The following WWOX variants were observed in gnomAD, a reference collection of about 807,000 sequenced individuals.
WWOX encodes the protein WW domain-containing oxidoreductase.
WWOX carries 69 observed loss-of-function variants against 46.2 expected under a neutral mutation model. The observed-to-expected ratio is 1.49, with a 90% CI of 1.23 to 1.82. The LOEUF (loss-of-function observed/expected upper bound fraction) is 1.82, where lower values mean the gene tolerates loss of function less well. Among genes scored for constraint, WWOX ranks in the 40% most tolerant of loss-of-function variants. WWOX has a pLI of 0.00. For synonymous variants in WWOX, 359 were observed against 202.6 expected, an observed-to-expected ratio of 1.77 and a Z score of -6.56; for missense variants, 919 against 542.6, an observed-to-expected ratio of 1.69 and a Z score of -6.89.
chr16:78,929,711 C>G (rs1356294462), intron 8 of WWOX, among the ~76,000 whole-genome samples: 1 of 152,010 alleles, frequency 6.6e-6, no homozygotes, highest in African/African-American at 2.4e-5. Flanking sequence ...TCAGGAAGAG[C>G]GTTTAGGAAG....
intron 6 of WWOX, among the ~76,000 whole-genome samples, chr16:78,411,177 G>C (rs61385990): frequency 0.011 from 1,745 of 152,256 alleles, 32 homozygotes; most frequent in African/African-American, 0.039. Context: ...GAGGTGAGGG[G>C]ATTACACAAA....
rs147983822 is a variant in WWOX at position 78,602,110 on chromosome 16, C to T, written c.1056+169358C>T. ...AAATGATTCTGTTGGGCTTATTACA[C>T]GCTTTTGAACTAATCACACTAGTAG... On this transcript the variant is annotated intron_variant, in intron 8 of 8. Transcript: ENST00000566780. 3.5e-3 allele frequency among the ~76,000 whole-genome samples: 536 copies of T among 152,304 alleles called. 7 individuals are homozygous for T. The highest frequency in any genetic ancestry group is 0.011 in the Admixed American group (174 of 15,292).
intron 8 of WWOX, among the ~76,000 whole-genome samples, chr16:78,853,946 C>G (rs1216454330): frequency 1.3e-5 from 2 of 152,076 alleles, no homozygotes; most frequent in East Asian, 3.9e-4. Context: ...AAACATATGC[C>G]TTTTTATTTC....
intron 8 of WWOX, among the ~76,000 whole-genome samples, chr16:78,564,337 A>G (rs1358757985): frequency 6.6e-6 from 1 of 152,244 alleles, no homozygotes; most frequent in South Asian, 2.1e-4. Flanking sequence ...TAGGCCTGGT[A>G]TGCAGAAGTA....
At chr16:78,610,339 C>G (rs1335708863) in intron 8 of WWOX, among the ~76,000 whole-genome samples, 1 of 152,088 alleles carries the variant, frequency 6.6e-6, no homozygotes, top group Admixed American at 6.6e-5. Flanking sequence ...AAAAAAGATT[C>G]AATTTCATTA....
intron 8 of WWOX, among the ~76,000 whole-genome samples, chr16:78,927,843 C>T (rs139701192): frequency 1.1e-4 from 17 of 152,252 alleles, no homozygotes; most frequent in Middle Eastern, 3.4e-3. Flanking sequence ...ATTTCTCTTA[C>T]TGTTTATTTT....
At chr16:78,729,544 G>A (rs1017919376) in intron 8 of WWOX, among the ~76,000 whole-genome samples, 2 of 151,964 alleles carry the variant, frequency 1.3e-5, no homozygotes, top group African/African-American at 2.4e-5. Context: ...GTGAAGTTGT[G>A]CATCCACAAG....
At chr16:78,805,354 G>A (rs780863320) in intron 8 of WWOX, among the ~76,000 whole-genome samples, 7 of 152,056 alleles carry the variant, frequency 4.6e-5, no homozygotes, top group African/African-American at 1.2e-4. Flanking sequence ...TCCGCCTCCC[G>A]GGTTCATGCC....
intron 5 of WWOX, among the ~76,000 whole-genome samples, chr16:78,325,007 C>G (rs550702035): frequency 1.3e-5 from 2 of 152,190 alleles, no homozygotes; most frequent in African/African-American, 4.8e-5. Context: ...AGGGCCCGAG[C>G]TGCTCATGGG....
At chr16:78,910,817 G>C (rs529655491) in intron 8 of WWOX, among the ~76,000 whole-genome samples, 8 of 151,808 alleles carry the variant, frequency 5.3e-5, no homozygotes, top group Non-Finnish European at 7.4e-5. Context: ...ACCTCTCACC[G>C]GGTCCCTCCC....
chr16:78,144,079 T>C (rs1274828492), intron 4 of WWOX, among the ~76,000 whole-genome samples: 1 of 152,138 alleles, frequency 6.6e-6, no homozygotes, highest in Non-Finnish European at 1.5e-5. Flanking sequence ...TTCACATCTG[T>C]AAGAAATTTT....
At chr16:78,954,394 G>A (rs968336343) in intron 8 of WWOX, among the ~76,000 whole-genome samples, 10 of 152,148 alleles carry the variant, frequency 6.6e-5, no homozygotes, top group Non-Finnish European at 1.5e-4. Context: ...ATGAACAGAT[G>A]AATGGATGCA....
At chr16:78,975,172 A>G (rs150601135) in intron 8 of WWOX, among the ~76,000 whole-genome samples, 2 of 152,346 alleles carry the variant, frequency 1.3e-5, no homozygotes, top group South Asian at 2.1e-4. Flanking sequence ...TGTTTTACTT[A>G]GTTATGACTT....
rs117650412 is a variant in WWOX at position 78,229,001 on chromosome 16, G to C, written c.516+64712G>C. 1.1e-4 allele frequency among the ~76,000 whole-genome samples: 17 copies of C among 152,222 alleles called. No individual in the cohort carries two copies. The East Asian group carries it at 1.7e-3, about 16-fold the overall frequency. ...TCTATTTTTGCACCTTGTGTTGTTT[G>C]TTATCCTGAATTATGCCAGGGCTGG... On this transcript the variant is annotated intron_variant, in intron 5 of 8. Transcript: ENST00000566780.
chr16:78,800,459 A>C (rs1306628792), intron 8 of WWOX, among the ~76,000 whole-genome samples: 1 of 152,178 alleles, frequency 6.6e-6, no homozygotes, highest in East Asian at 1.9e-4. Context: ...AATGGCCCCA[A>C]ATAAAGTGGT....
intron 8 of WWOX, among the ~76,000 whole-genome samples, chr16:78,654,353 A>G (rs4888822): frequency 0.059 from 8,950 of 152,294 alleles, 346 homozygotes; most frequent in South Asian, 0.18. Context: ...CATCCTCATC[A>G]TCGTGTTCCT....
At chr16:78,893,125 A>G (rs967957474) in intron 8 of WWOX, among the ~76,000 whole-genome samples, 19 of 152,108 alleles carry the variant, frequency 1.2e-4, no homozygotes, top group Non-Finnish European at 2.6e-4. Flanking sequence ...ACCCACACAG[A>G]AAAGGAGGCT....
intron 8 of WWOX, among the ~76,000 whole-genome samples, chr16:78,634,705 T>TAAAA (rs60805816): frequency 2.5e-4 from 33 of 133,414 alleles, no homozygotes; most frequent in African/African-American, 7.9e-4. Flanking sequence ...GACTCTGTGT[T>TAAAA]AAAAAAAAAA....
intron 6 of WWOX, among the ~76,000 whole-genome samples, chr16:78,413,057 C>T (rs1425298627): frequency 6.6e-6 from 1 of 152,124 alleles, no homozygotes; most frequent in Non-Finnish European, 1.5e-5. Flanking sequence ...AATGTAACCA[C>T]CTAATGGGTT....
Sources: gnomAD v4.1 joint callset for allele counts (sites outside exome capture counted in the v4.1 genomes callset) on GRCh38, gnomAD v4.1.1 for gene constraint, MANE v1.5 for transcripts, NCBI Gene and HGNC (gene_info 2026-07-23, HGNC 2026-07-21) for gene names.